The following KRT28 variants were observed in gnomAD, a reference collection of about 807,000 sequenced individuals.
The protein encoded by KRT28 is keratin 28, also known as keratin, type I cytoskeletal 28.
A neutral mutation model predicts 48.1 loss-of-function variants in KRT28; 45 were observed. The observed-to-expected ratio is 0.94, with a 90% confidence interval of 0.74 to 1.20. The LOEUF (loss-of-function observed/expected upper bound fraction) is 1.20. Ranked by LOEUF, KRT28 falls within the 50% of genes most tolerant of loss-of-function variation. The probability of loss-of-function intolerance (pLI) is 0.00; values close to 1 mark genes in which losing one functional copy is unlikely to be tolerated. For missense variants in KRT28, 571 were observed against 574.1 expected (o/e 0.99, Z 0.06); for synonymous variants, 228 against 227.4 (o/e 1.00, Z -0.03).
rs776981920 is a variant in KRT28, at chr17:40,793,990, C to T, written c.1035G>A (p.Leu345=). ...CCCCGATCTGAGCCTGGATCTGCGC[C>T]AGCTGCGTACAGTAGTTGCTCTCGG... is the stretch of plus-strand genomic sequence containing the variant. The part of the protein sequence containing the change: ...TETESNYCTQ[L]AQIQAQIGAL... Residue 345 remains leucine, a synonymous_variant, in exon 6 of 8, where the codon CTG becomes CTA. Coordinates refer to ENST00000306658, the MANE Select transcript of KRT28 (RefSeq NM_181535.3). 1.2e-6 allele frequency: 2 copies of T among 1,613,954 alleles called. No homozygotes were observed. The highest frequency in any genetic ancestry group is 1.7e-4 in the Middle Eastern group (1 of 6,056).
In KRT28 at chr17:40,799,794, T is replaced by G; in HGVS notation, c.100A>C (p.Ser34Arg). The change falls in exon 1 of 8, where the codon AGT (serine) becomes CGT (arginine). Residue 34 changes from serine to arginine, a missense_variant. By Grantham distance (110) the Ser-to-Arg change is moderately radical. Coordinates refer to ENST00000306658, the MANE Select transcript of KRT28 (RefSeq NM_181535.3). ...LNGGAGFAGS[S>R]ACGGSVAGSE... The stretch of plus-strand genomic sequence containing the variant: ...CCAGCAACAGAGCCACCACATGCAC[T>G]GCTGCCTGCAAAGCCTGCACCTCCA... 3 of 1,614,038 alleles carry G rather than the reference T, an allele frequency of 1.9e-6. No individual in the cohort carries two copies. The highest frequency in any genetic ancestry group is 2.5e-6 in the Non-Finnish European group (3 of 1,180,018).
In KRT28 at chr17:40,797,015, G is replaced by A; in HGVS notation, c.879C>T (p.Ser293=). 6.2e-7 allele frequency: 1 copy of A among 1,612,878 alleles called. No homozygotes were observed. The change falls in exon 5 of 8, where the codon TCC becomes TCT. Residue 293 remains serine, a synonymous_variant. Coordinates refer to ENST00000306658, the MANE Select transcript of KRT28 (RefSeq NM_181535.3). The stretch of plus-strand genomic sequence containing the variant: ...CGAAAGTGGCTGCGCCTGAGTCGTG[G>A]GAGATCTGTTGCTGCAGCGAGGCGC... The part of the protein sequence containing the change: ...EKSASLQQQI[S]HDSGAATFAR...
chr17:40,792,297 T>C lies in KRT28; in HGVS notation c.*130A>G. ...ACAAACACTCAATATCCTGTAAAAC[T>C]AAGAAAACAGGTATTTTTGCTAAGT... On this transcript the variant is annotated 3_prime_UTR_variant, in exon 8 of 8. Transcript: ENST00000306658. 1 of 685,764 alleles carries C rather than the reference T, an allele frequency of 1.5e-6. No homozygotes were observed. Among genetic ancestry groups the C allele is most frequent in the Non-Finnish European group, 2.2e-6 (1 of 454,408 alleles). 42.5% of individuals were successfully genotyped at this position (685,764 alleles called of 1,614,324 possible). A position where few individuals can be genotyped will look rare whatever the true frequency, so the allele number is the denominator to read the frequency against.
rs564921783 is a variant in KRT28, at chr17:40,799,298, C to T, written c.450+146G>A. The T allele has an allele frequency of 1.0e-5, 7 of 695,762 alleles. No individual in the cohort carries two copies. The African/African-American group carries it at 1.3e-4, about 13-fold the overall frequency. The allele number at this position is 695,762 out of a possible 1,614,324, so 43.1% of individuals were successfully genotyped here. ...CATTAAAATTCATGAATCAAAGGGC[C>T]CATTTTTGAATAGTAGGAAGAATTG... On this transcript the variant is annotated intron_variant, in intron 1 of 7. Coordinates refer to ENST00000306658, the MANE Select transcript of KRT28 (RefSeq NM_181535.3).
intron 1 of KRT28, 57 bp downstream of exon 1, chr17:40,799,387 G>T (rs901604969): frequency 3.9e-6 from 5 of 1,291,302 alleles, no homozygotes; most frequent in East Asian, 2.3e-5. Context: ...TATGTCTTTT[G>T]TTAGGTATTT....
chr17:40,794,748 C>T (rs1904574104), intron 5 of KRT28, among the ~76,000 whole-genome samples: 1 of 152,154 alleles, frequency 6.6e-6, no homozygotes, highest in African/African-American at 2.4e-5. Context: ...TCCTCTTTCC[C>T]TTATTATAGA....
Position 40,794,064 on chromosome 17 carries a change from G to A in KRT28, c.979-18C>T. The A allele has an allele frequency of 6.2e-7, 1 of 1,613,358 alleles. No individual in the cohort carries two copies. The highest frequency in any genetic ancestry group is 8.5e-7 in the Non-Finnish European group (1 of 1,179,382). On this transcript the variant is annotated intron_variant, in intron 5 of 7. Coordinates refer to ENST00000306658, the MANE Select transcript of KRT28 (RefSeq NM_181535.3). ...GAGTGTTTCTGAGGACATCAAAGAA[G>A]CCGTGGCAAGGGATGAAAACACTCT...
At chr17:40,797,986 A>G (rs1184478285) in intron 3 of KRT28, among the ~76,000 whole-genome samples, 1 of 152,120 alleles carries the variant, frequency 6.6e-6, no homozygotes, top group Non-Finnish European at 1.5e-5. Context: ...CATCCTAGGG[A>G]TGACCGCTGT....
intron 1 of KRT28, 88 bp downstream of exon 1, chr17:40,799,356 G>T: frequency 9.4e-7 from 1 of 1,064,960 alleles, no homozygotes; most frequent in Non-Finnish European, 1.4e-6. Context: ...AGTTATAACA[G>T]TCATGAAGCA....
chr17:40,793,713 G>A (rs1431846138), intron 6 of KRT28, 116 bp downstream of exon 6: 2 of 956,324 alleles, frequency 2.1e-6, no homozygotes, highest in African/African-American at 1.6e-5. Context: ...AGATGGACAT[G>A]CTTTTCTGCA....
At position 40,793,744 on chromosome 17, in the gene KRT28, G is replaced by T. The variant is rs1904544423; in HGVS notation, c.1196+85C>A. ...CTGCAGTGGGAATGAAAAAGAAAAGGCTTGGAAGTATGGAAGGCTAATGGG... is the reference window on the plus strand; with the variant it reads ...CTGCAGTGGGAATGAAAAAGAAAAGTCTTGGAAGTATGGAAGGCTAATGGG... On this transcript the variant is annotated intron_variant, in intron 6 of 7. Coordinates refer to ENST00000306658, the MANE Select transcript of KRT28 (RefSeq NM_181535.3). 4.5e-6 allele frequency: 6 copies of T among 1,322,272 alleles called. 1 individual carries two copies. Among genetic ancestry groups the T allele is most frequent in the Admixed American group, 3.5e-5 (2 of 57,682 alleles). 81.9% of individuals were successfully genotyped at this position (1,322,272 alleles called of 1,614,324 possible). A position where few individuals can be genotyped will look rare whatever the true frequency, so the allele number is the denominator to read the frequency against.
In KRT28 at chr17:40,799,623, G is replaced by C; in HGVS notation, c.271C>G (p.Gln91Glu). 1 of 1,614,104 alleles carries C rather than the reference G, an allele frequency of 6.2e-7. No homozygotes were observed. The highest frequency in any genetic ancestry group is 8.5e-7 in the Non-Finnish European group (1 of 1,180,022). ...GATGCCAAGCGGTCATTAAGATTTT[G>C]CATGGTCACCTTCTCATTTCCAGAG... ...LLSGNEKVTM[Q>E]NLNDRLASYL... Residue 91 changes from glutamine to glutamate, a missense_variant, in exon 1 of 8, where the codon CAA becomes GAA. Coordinates refer to ENST00000306658, the MANE Select transcript of KRT28 (RefSeq NM_181535.3).
intron 1 of KRT28, 49 bp downstream of exon 1, chr17:40,799,394 AT>A: frequency 7.4e-7 from 1 of 1,355,966 alleles, no homozygotes; most frequent in Non-Finnish European, 1.0e-6. Context: ...TTTGTTAGGT[AT>A]TTCTTAGTTT....
At chr17:40,795,579 C>G (rs967280027) in intron 5 of KRT28, among the ~76,000 whole-genome samples, 2 of 152,168 alleles carry the variant, frequency 1.3e-5, no homozygotes, top group African/African-American at 4.8e-5. Flanking sequence ...GACAACAGGG[C>G]CTCAGGGATG....
rs1904530192 is a variant in KRT28 at position 40,793,144 on chromosome 17, G to C, written c.1252+11C>G. ...AAAGAAAAGAAAAGAAATAGAACTA[G>C]ATTTTATTACCTTTAGATGAATTCC... On this transcript the variant is annotated intron_variant, in intron 7 of 7. Coordinates refer to ENST00000306658, the MANE Select transcript of KRT28 (RefSeq NM_181535.3). The C allele has an allele frequency of 1.3e-6, 2 of 1,526,398 alleles. No homozygotes were observed. The highest frequency in any genetic ancestry group is 2.4e-5 in the South Asian group (2 of 81,878). The allele number at this position is 1,526,398 out of a possible 1,614,324, so 94.6% of individuals were successfully genotyped here.
chr17:40,798,635 A>G (rs1408229097), intron 2 of KRT28, among the ~76,000 whole-genome samples: 1 of 152,188 alleles, frequency 6.6e-6, no homozygotes, highest in Non-Finnish European at 1.5e-5. Flanking sequence ...CCATTTTGGA[A>G]TTTTATTTTA....
Position 40,798,382 on chromosome 17 carries a change from A to G in KRT28, c.543T>C (p.Asn181=). Residue 181 remains asparagine, a synonymous_variant, in exon 3 of 8, where the codon AAT becomes AAC. Transcript: ENST00000306658. The part of the protein sequence containing the change: ...AADDFRLKYE[N]ELTLHQNVEA... ...CTACGTTTTGGTGAAGGGTGAGCTC[A>G]TTTTCATACCTTGGGGGGCATTTAA... 6.2e-7 allele frequency: 1 copy of G among 1,604,492 alleles called. No homozygotes were observed. Among genetic ancestry groups the G allele is most frequent in the East Asian group, 2.2e-5 (1 of 44,674 alleles).
chr17:40,797,948 T>C (rs1287271078), intron 3 of KRT28, among the ~76,000 whole-genome samples: 1 of 152,068 alleles, frequency 6.6e-6, no homozygotes, highest in East Asian at 1.9e-4. Flanking sequence ...GTAGAAAAAA[T>C]CCTGAAATCC....
chr17:40,792,866 G>A (rs576857863), intron 7 of KRT28, among the ~76,000 whole-genome samples: 6 of 152,210 alleles, frequency 3.9e-5, no homozygotes, highest in East Asian at 1.9e-4. Flanking sequence ...TTGGGAGGCC[G>A]AGGTGGGCAG....
Sources: gnomAD v4.1 joint callset for allele counts (sites outside exome capture counted in the v4.1 genomes callset) on GRCh38, gnomAD v4.1.1 for gene constraint, MANE v1.5 for transcripts, NCBI Gene and HGNC (gene_info 2026-07-23, HGNC 2026-07-21) for gene names.